The following SMG6 variants were observed in gnomAD, a reference collection of about 807,000 sequenced individuals.
The protein encoded by SMG6 is SMG6 nonsense mediated mRNA decay factor.
A neutral mutation model predicts 142.2 loss-of-function variants in SMG6; 66 were observed. The ratio of observed to expected loss-of-function variants is 0.46; its 90% CI spans 0.38 to 0.57. The LOEUF is 0.57. Among genes scored for constraint, SMG6 ranks in the 20% least tolerant of loss-of-function variants. The pLI is 0.00. For synonymous variants in SMG6, 779 were observed against 702.4 expected, an observed-to-expected ratio of 1.11 and a Z score of -1.72; for missense variants, 1,793 against 1,832.0, an observed-to-expected ratio of 0.98 and a Z score of 0.39.
chr17:2,173,999 G>C lies in SMG6; in HGVS notation c.3156-1140C>G, dbSNP rs529423375. Among the ~76,000 whole-genome samples the C allele has an allele frequency of 1.4e-4, 21 of 152,134 alleles. 1 individual carries two copies. Among genetic ancestry groups the C allele is most frequent in the Non-Finnish European group, 2.5e-4 (17 of 68,022 alleles). ...ACAGATAATATCCTATGGATGCTAA[G>C]TTTTACTCTAAAAGAAGAGAGATGC... is the stretch of plus-strand genomic sequence containing the variant. On this transcript the variant is annotated intron_variant, in intron 12 of 18. Coordinates refer to ENST00000263073, the MANE Select transcript of SMG6 (RefSeq NM_017575.5).
At chr17:2,158,533 C>T (rs1225865729) in intron 13 of SMG6, among the ~76,000 whole-genome samples, 1 of 152,128 alleles carries the variant, frequency 6.6e-6, no homozygotes, top group Non-Finnish European at 1.5e-5. Flanking sequence ...CCCACGAAAA[C>T]ATCAAACCTT....
intron 13 of SMG6, among the ~76,000 whole-genome samples, 174 bp downstream of exon 13, chr17:2,172,484 T>G (rs2071534866): frequency 6.6e-6 from 1 of 152,072 alleles, no homozygotes; most frequent in South Asian, 2.1e-4. Flanking sequence ...GAGGGCTTTT[T>G]TTTTTCAGGA....
intron 10 of SMG6, among the ~76,000 whole-genome samples, chr17:2,193,224 T>C (rs2072220567): frequency 6.6e-6 from 1 of 152,168 alleles, no homozygotes; most frequent in Non-Finnish European, 1.5e-5. Flanking sequence ...CCTTGAAAAG[T>C]AGGTGGGACT....
intron 13 of SMG6, among the ~76,000 whole-genome samples, chr17:2,159,307 G>A (rs938300392): frequency 5.3e-5 from 8 of 152,114 alleles, no homozygotes; most frequent in Non-Finnish European, 7.4e-5. Context: ...TGCTACAGCT[G>A]TAATCCCAGC....
At chr17:2,301,625 G>A (rs547479092) in intron 1 of SMG6, among the ~76,000 whole-genome samples, 224 of 150,888 alleles carry the variant, frequency 1.5e-3, no homozygotes, top group African/African-American at 5.3e-3. Context: ...GGTGGATCAC[G>A]AGGTCAGGAG....
At chr17:2,114,688 G>C (rs1186017987) in intron 13 of SMG6, among the ~76,000 whole-genome samples, 5 of 151,968 alleles carry the variant, frequency 3.3e-5, no homozygotes, top group South Asian at 2.1e-4. Context: ...CAGCACTTTG[G>C]GGGGCCAAGG....
At chr17:2,244,748 CAATT>C in intron 8 of SMG6, 29 bp from the exon 9 acceptor site, 2 of 1,589,898 alleles carry the variant, frequency 1.3e-6, no homozygotes, top group Non-Finnish European at 1.7e-6. Context: ...GAGGAGAAAA[CAATT>C]AAACTTTCCC....
chr17:2,246,973 A>G (rs2073942047), intron 8 of SMG6, among the ~76,000 whole-genome samples: 1 of 152,044 alleles, frequency 6.6e-6, no homozygotes, highest in African/African-American at 2.4e-5. Flanking sequence ...ACAAAACACA[A>G]AAACACTAGA....
intron 13 of SMG6, among the ~76,000 whole-genome samples, chr17:2,167,341 G>A (rs1291499143): frequency 6.6e-6 from 1 of 152,096 alleles, no homozygotes; most frequent in African/African-American, 2.4e-5. Context: ...CAGAAGAAAA[G>A]CAAAAACAGA....
chr17:2,205,030 C>T (rs765011212), intron 10 of SMG6, among the ~76,000 whole-genome samples: 31 of 152,160 alleles, frequency 2.0e-4, no homozygotes, highest in Admixed American at 7.2e-4. Flanking sequence ...ATACACTTAC[C>T]GAAACCAATA....
At chr17:2,122,859 G>A (rs565967673) in intron 13 of SMG6, among the ~76,000 whole-genome samples, 2 of 152,302 alleles carry the variant, frequency 1.3e-5, no homozygotes, top group South Asian at 2.1e-4. Flanking sequence ...TAGGCAACTC[G>A]AAACTCCACA....
At position 2,224,231 on chromosome 17, in the gene SMG6, G is replaced by A. The variant is rs184603269; in HGVS notation, c.2869+12261C>T. On this transcript the variant is annotated intron_variant, in intron 10 of 18. Transcript: ENST00000263073. ...GATGAACTCGAGCTTTGCTTTCCAA[G>A]GCTGCATGGACACAGCCAAGATCCT... 3.3e-5 allele frequency among the ~76,000 whole-genome samples: 5 copies of A among 152,234 alleles called. No individual in the cohort carries two copies. The East Asian group carries it at 9.6e-4, about 29-fold the overall frequency.
In SMG6 at chr17:2,297,170, A is replaced by G. The variant is rs1006370837; in HGVS notation, c.2151+73T>C. ...ATCCTCAACACCCAGTACAGTGTCT[A>G]GCACATACCTAACACTAGATAAACG... is the stretch of plus-strand genomic sequence containing the variant. On this transcript the variant is annotated intron_variant, in intron 4 of 18. Coordinates refer to ENST00000263073, the MANE Select transcript of SMG6 (RefSeq NM_017575.5). The G allele has an allele frequency of 3.4e-5, 35 of 1,044,012 alleles. No homozygotes were observed. The African/African-American group carries it at 4.3e-4, about 13-fold the overall frequency. 64.7% of individuals were successfully genotyped at this position (1,044,012 alleles called of 1,614,324 possible).
chr17:2,087,819 T>C, intron 13 of SMG6: 1 of 985,800 alleles, frequency 1.0e-6, no homozygotes, highest in Non-Finnish European at 1.2e-6. Flanking sequence ...CTCACTTGCA[T>C]AGGAAACTTC....
rs774829421 is a variant in SMG6, at chr17:2,283,702, G to A, written c.2371C>T (p.Arg791Cys). The A allele has an allele frequency of 2.2e-5, 35 of 1,614,048 alleles. No homozygotes were observed. Among genetic ancestry groups the A allele is most frequent in the Non-Finnish European group, 2.9e-5 (34 of 1,179,992 alleles). The part of the protein sequence containing the change: ...RKLDAVYYYM[R>C]SLAASNPILT... The stretch of plus-strand genomic sequence containing the variant: ...ATAGGGTTGCTGGCAGCTAAACTGC[G>A]CATATAGTAATAGACAGCGTCAAGC... The change falls in exon 7 of 19, where the codon CGC (arginine) becomes TGC (cysteine). Residue 791 changes from arginine to cysteine, a missense_variant. Around this residue, in one of 3 missense-constraint regions of SMG6, gnomAD observed 1,597 missense variants for 1,584.6 expected, o/e 1.01. Coordinates refer to ENST00000263073, the MANE Select transcript of SMG6 (RefSeq NM_017575.5).
At position 2,303,695 on chromosome 17, in the gene SMG6, C is replaced by A; in HGVS notation, c.26G>T (p.Arg9Leu). The A allele has an allele frequency of 6.7e-7, 1 of 1,496,892 alleles. No homozygotes were observed. The highest frequency in any genetic ancestry group is 8.9e-7 in the Non-Finnish European group (1 of 1,129,482). The allele number at this position is 1,496,892 out of a possible 1,614,324, so 92.7% of individuals were successfully genotyped here. The change falls in exon 1 of 19, where the codon CGG (arginine) becomes CTG (leucine). Residue 9 changes from arginine to leucine, a missense_variant. By Grantham distance (102) the Arg-to-Leu change is moderately radical. Coordinates refer to ENST00000263073, the MANE Select transcript of SMG6 (RefSeq NM_017575.5). The stretch of plus-strand genomic sequence containing the variant: ...CCCGCGCAGCTCCGACGCGGAGATC[C>A]GCACACGCTCCAGCCCTTCCGCCAT... Reference protein sequence around the residue: MAEGLERVRISASELRGIL... With the variant: MAEGLERVLISASELRGIL...
chr17:2,146,627 A>G (rs1292244051), intron 13 of SMG6, among the ~76,000 whole-genome samples: 1 of 151,852 alleles, frequency 6.6e-6, no homozygotes, highest in East Asian at 1.9e-4. Flanking sequence ...TGCAACCTCC[A>G]CCTCCCATGT....
At chr17:2,217,717 A>G (rs2151760206) in intron 10 of SMG6, among the ~76,000 whole-genome samples, 1 of 152,288 alleles carries the variant, frequency 6.6e-6, no homozygotes, top group Non-Finnish European at 1.5e-5. Flanking sequence ...AAGAATAAAC[A>G]ATGAAAAGGA....
At chr17:2,236,414 G>C in intron 10 of SMG6, 78 bp downstream of exon 10, 1 of 1,463,368 alleles carries the variant, frequency 6.8e-7, no homozygotes, top group Non-Finnish European at 9.3e-7. Flanking sequence ...AGGTATGGTA[G>C]GTATGGTAAC....
Sources: gnomAD v4.1 joint callset for allele counts (sites outside exome capture counted in the v4.1 genomes callset) on GRCh38, gnomAD v4.1.1 for gene constraint, gnomAD v4.1.1 regional missense constraint, MANE v1.5 for transcripts, NCBI Gene and HGNC (gene_info 2026-07-23, HGNC 2026-07-21) for gene names.